Variants in ADAT2 observed in about 807,000 individuals in gnomAD.
The protein encoded by ADAT2 is adenosine deaminase tRNA specific 2.
Under a neutral mutation model 25.9 loss-of-function variants are expected in ADAT2, and 26 were observed. The ratio of observed to expected loss-of-function variants is 1.00; its 90% confidence interval spans 0.74 to 1.39. The LOEUF (loss-of-function observed/expected upper bound fraction) is 1.39. ADAT2 is among the 40% of genes most tolerant of loss of function. ADAT2 has a pLI of 0.00. For synonymous variants in ADAT2, 76 were observed against 86.8 expected (o/e 0.88, Z 0.69); for missense variants, 220 against 244.8 (o/e 0.90, Z 0.68).
chr6:143,435,455 G>A (rs1334127944), intron 2 of ADAT2, among the ~76,000 whole-genome samples: 2 of 152,142 alleles, frequency 1.3e-5, no homozygotes, highest in Non-Finnish European at 2.9e-5. Flanking sequence ...TGTAGTTATA[G>A]AGTAATCTTC....
chr6:143,438,705 A>C lies in ADAT2; in HGVS notation c.97-11T>G. 8 of 1,607,002 alleles carry C rather than the reference A, an allele frequency of 5.0e-6. No individual in the cohort carries two copies. Among genetic ancestry groups the C allele is most frequent in the Non-Finnish European group, 6.8e-6 (8 of 1,173,716 alleles). On this transcript the variant is annotated splice_polypyrimidine_tract_variant and intron_variant, in intron 1 of 5. Transcript: ENST00000237283. ...GAGGGCTTCTTTGGCCTGAAACACA[A>C]AGTGGAAAATGTAAGACGTAATACT...
At chr6:143,450,297 C>T (rs138045210) in intron 1 of ADAT2, among the ~76,000 whole-genome samples, 204 of 152,192 alleles carry the variant, frequency 1.3e-3, no homozygotes, top group African/African-American at 4.6e-3. Context: ...CAGCACGTGC[C>T]AGCCGGCGAC....
At chr6:143,449,932 C>T (rs950880485) in intron 1 of ADAT2, 4 of 152,164 alleles carry the variant, frequency 2.6e-5, no homozygotes, top group African/African-American at 9.7e-5. Flanking sequence ...GGATAACGAC[C>T]TTTACCGACA....
Position 143,427,134 on chromosome 6 carries a change from C to CACACACACACACACACACACACACAA in ADAT2, c.*1328_*1329insTTGTGTGTGTGTGTGTGTGTGTGTGT, listed in dbSNP as rs1554277477. ...ACACACACACACACACACACACACA[C>CACACACACACACACACACACACACAA]AAAACCAAGCAATTATAAGTCCTCT... On this transcript the variant is annotated 3_prime_UTR_variant, in exon 6 of 6. Transcript: ENST00000237283. The CACACACACACACACACACACACACAA allele has an allele frequency of 4.6e-5, 7 of 151,546 alleles. No individual in the cohort carries two copies. The highest frequency in any genetic ancestry group is 7.4e-5 in the Non-Finnish European group (5 of 67,952). 9.4% of individuals were successfully genotyped at this position (151,546 alleles called of 1,614,324 possible).
intron 4 of ADAT2, among the ~76,000 whole-genome samples, chr6:143,430,404 C>G (rs1180962242): frequency 6.6e-6 from 1 of 152,174 alleles, no homozygotes; most frequent in Non-Finnish European, 1.5e-5. Context: ...GGCACAGAAG[C>G]CTCCAGGTGA....
rs1474713412 is a variant in ADAT2, at chr6:143,433,991, G to T, written c.202-10C>A. On this transcript the variant is annotated splice_polypyrimidine_tract_variant and intron_variant, in intron 2 of 5. Transcript: ENST00000237283. Reference sequence around the variant, plus strand: ...CTGCATGTCGAGTAGCCTGAAAAGAGAAAGGGGCTTGCACTGATGCTGTTT... The same window carrying T: ...CTGCATGTCGAGTAGCCTGAAAAGATAAAGGGGCTTGCACTGATGCTGTTT... The T allele has an allele frequency of 6.2e-7, 1 of 1,613,660 alleles. No individual in the cohort carries two copies. The highest frequency in any genetic ancestry group is 8.5e-7 in the Non-Finnish European group (1 of 1,180,014).
In ADAT2 at chr6:143,426,328, A is replaced by G. The variant is rs1418839050; in HGVS notation, c.*2135T>C. ...TCACTGTCACTTGGAAATTGCTAGC[A>G]GAATTCCATAGAGCTAATGTCTATG... On this transcript the variant is annotated 3_prime_UTR_variant, in exon 6 of 6. Coordinates refer to ENST00000237283, the MANE Select transcript of ADAT2 (RefSeq NM_182503.3). The surrounding 1 kb of genome is among the most constrained non-coding windows in gnomAD (Gnocchi z 4.1). 1 of 152,228 alleles carries G rather than the reference A, an allele frequency of 6.6e-6. No homozygotes were observed. Among genetic ancestry groups the G allele is most frequent in the African/African-American group, 2.4e-5 (1 of 41,450 alleles). 9.4% of individuals were successfully genotyped at this position (152,228 alleles called of 1,614,324 possible).
At position 143,440,261 on chromosome 6, in the gene ADAT2, A is replaced by G. The variant is rs1339711734; in HGVS notation, c.97-1567T>C. On this transcript the variant is annotated intron_variant, in intron 1 of 5. Coordinates refer to ENST00000237283, the MANE Select transcript of ADAT2 (RefSeq NM_182503.3). This position sits in a 1 kb window ranked among gnomAD's most constrained non-coding sequence, Gnocchi z 4.5. ...TTAAGTGCAGGTACTTACACACATCATAGGGCATATAAAGTGCAAAGTTGA... is the reference window on the plus strand; with the variant it reads ...TTAAGTGCAGGTACTTACACACATCGTAGGGCATATAAAGTGCAAAGTTGA... Among the ~76,000 whole-genome samples, 1 of 152,206 alleles carries G rather than the reference A, an allele frequency of 6.6e-6. No individual in the cohort carries two copies. Among genetic ancestry groups the G allele is most frequent in the South Asian group, 2.1e-4 (1 of 4,834 alleles).
chr6:143,436,461 G>A lies in ADAT2; in HGVS notation c.201+2129C>T, dbSNP rs1779285135. The A allele has an allele frequency of 3.7e-6, 1 of 268,514 alleles. No homozygotes were observed. Among genetic ancestry groups the A allele is most frequent in the Non-Finnish European group, 7.6e-6 (1 of 130,808 alleles). The allele number at this position is 268,514 out of a possible 1,614,324, so 16.6% of individuals were successfully genotyped here. A position where few individuals can be genotyped will look rare whatever the true frequency, so the allele number is the denominator to read the frequency against. On this transcript the variant is annotated intron_variant, in intron 2 of 5. Coordinates refer to ENST00000237283, the MANE Select transcript of ADAT2 (RefSeq NM_182503.3). The surrounding 1 kb of genome is among the most constrained non-coding windows in gnomAD (Gnocchi z 4.1). Reference sequence around the variant, plus strand: ...ACATCCCATCCGCAGGACTAAAAACGTCCACCACTTTCATCAGTAACAACA... The same window carrying A: ...ACATCCCATCCGCAGGACTAAAAACATCCACCACTTTCATCAGTAACAACA...
intron 2 of ADAT2, 78 bp downstream of exon 2, chr6:143,438,512 C>T (rs1240289710): frequency 7.8e-6 from 9 of 1,159,084 alleles, no homozygotes; most frequent in Non-Finnish European, 1.0e-5. Flanking sequence ...GTCTCACCTT[C>T]ACACCAACTG....
At chr6:143,435,846 T>C (rs1386829161) in intron 2 of ADAT2, among the ~76,000 whole-genome samples, 1 of 152,234 alleles carries the variant, frequency 6.6e-6, no homozygotes, top group Non-Finnish European at 1.5e-5. Context: ...TATGTCATTT[T>C]TCAACAAACA....
chr6:143,431,031 T>A (rs1779098617), intron 4 of ADAT2, among the ~76,000 whole-genome samples: 1 of 152,198 alleles, frequency 6.6e-6, no homozygotes, highest in African/African-American at 2.4e-5. Context: ...CCCAATCACC[T>A]GCTGCCTCCT....
chr6:143,429,882 G>A (rs749948153), intron 4 of ADAT2, among the ~76,000 whole-genome samples: 3 of 152,054 alleles, frequency 2.0e-5, no homozygotes, highest in Non-Finnish European at 4.4e-5. Flanking sequence ...ATAAACCTTC[G>A]CCATAACAAA....
rs769476475 is a variant in ADAT2 at position 143,450,562 on chromosome 6, C to T, written c.96+1G>A. The T allele has an allele frequency of 2.5e-6, 4 of 1,614,120 alleles. No homozygotes were observed. Among genetic ancestry groups the T allele is most frequent in the South Asian group, 2.2e-5 (2 of 91,084 alleles). On this transcript the variant is annotated splice_donor_variant, in intron 1 of 5. Coordinates refer to ENST00000237283, the MANE Select transcript of ADAT2 (RefSeq NM_182503.3). LOFTEE classifies it high-confidence loss of function. ...CAGCATCTACCTCCCGGGCTCCTCA[C>T]CATGTGCATCGCCTCCTCCATCCAC...
chr6:143,447,995 C>G (rs1404829206), intron 1 of ADAT2, among the ~76,000 whole-genome samples: 1 of 152,174 alleles, frequency 6.6e-6, no homozygotes, highest in Non-Finnish European at 1.5e-5. Flanking sequence ...TGGAACTCAA[C>G]CCAAATGTCC....
Position 143,444,101 on chromosome 6 carries a change from C to T in ADAT2, c.97-5407G>A, listed in dbSNP as rs1198616961. On this transcript the variant is annotated intron_variant, in intron 1 of 5. Transcript: ENST00000237283. The surrounding 1 kb of genome is among the most constrained non-coding windows in gnomAD (Gnocchi z 4.3). ...GTTACTGGGTTTGTGCCTTCCATTC[C>T]TTCCTTTGGATTTTTCTCTTTTTCC... Among the ~76,000 whole-genome samples the T allele has an allele frequency of 1.3e-5, 2 of 152,130 alleles. No homozygotes were observed. The highest frequency in any genetic ancestry group is 2.9e-5 in the Non-Finnish European group (2 of 68,020).
chr6:143,424,877 G>GT lies in ADAT2; in HGVS notation c.*3585dup. On this transcript the variant is annotated 3_prime_UTR_variant, in exon 6 of 6. Coordinates refer to ENST00000237283, the MANE Select transcript of ADAT2 (RefSeq NM_182503.3). This position sits in a 1 kb window ranked among gnomAD's most constrained non-coding sequence, Gnocchi z 4.8. The stretch of plus-strand genomic sequence containing the variant: ...GTCAAATACATTTTCTGTTTAAAAT[G>GT]TAACAGCTCCTCTTCCCACAGACTG... 6.6e-6 allele frequency: 1 copy of GT among 152,226 alleles called. No homozygotes were observed. The highest frequency in any genetic ancestry group is 1.5e-5 in the Non-Finnish European group (1 of 68,008). The allele number at this position is 152,226 out of a possible 1,614,324, so 9.4% of individuals were successfully genotyped here.
At position 143,427,506 on chromosome 6, in the gene ADAT2, T is replaced by G. The variant is rs1251810253; in HGVS notation, c.*957A>C. 6.6e-6 allele frequency: 1 copy of G among 152,242 alleles called. No homozygotes were observed. The highest frequency in any genetic ancestry group is 1.9e-4 in the East Asian group (1 of 5,206). 9.4% of individuals were successfully genotyped at this position (152,242 alleles called of 1,614,324 possible). On this transcript the variant is annotated 3_prime_UTR_variant, in exon 6 of 6. Coordinates refer to ENST00000237283, the MANE Select transcript of ADAT2 (RefSeq NM_182503.3). The stretch of plus-strand genomic sequence containing the variant: ...TGTGGATACCCTTTCCAGTGTTGTG[T>G]TCAAAATTTTACATTTTAGATTTTA...
At chr6:143,431,406 T>C (rs1023246967) in intron 4 of ADAT2, among the ~76,000 whole-genome samples, 8 of 152,210 alleles carry the variant, frequency 5.3e-5, no homozygotes, top group Middle Eastern at 3.2e-3. Flanking sequence ...AAAGGAAATA[T>C]GGAGTCAGCA....
Sources: gnomAD v4.1 joint callset for allele counts (sites outside exome capture counted in the v4.1 genomes callset) on GRCh38, gnomAD v4.1.1 for gene constraint, Gnocchi (gnomAD v3.1) non-coding constraint, MANE v1.5 for transcripts, NCBI Gene and HGNC (gene_info 2026-07-23, HGNC 2026-07-21) for gene names.